Variants in KIAA1328 observed in about 807,000 individuals in gnomAD.
The protein encoded by KIAA1328 is KIAA1328.
In KIAA1328, 52 loss-of-function variants were observed where a neutral mutation model predicts 68.1. That is an observed-to-expected ratio of 0.76 (90% CI 0.61 to 0.96). The LOEUF (loss-of-function observed/expected upper bound fraction) is 0.96. Among genes scored for constraint, KIAA1328 ranks in the 40% least tolerant of loss-of-function variants. The pLI, the probability that KIAA1328 is intolerant of heterozygous loss-of-function variation, is 0.00. For synonymous variants in KIAA1328, 232 were observed against 239.4 expected (o/e 0.97, Z 0.28); for missense variants, 641 against 677.6 (o/e 0.95, Z 0.60).
At position 37,157,841 on chromosome 18, in the gene KIAA1328, A is replaced by G. The variant is rs926947249; in HGVS notation, c.1233-2359A>G. Among the ~76,000 whole-genome samples the G allele has an allele frequency of 4.7e-5, 7 of 149,088 alleles. No individual in the cohort carries two copies. In the Admixed American group the frequency reaches 4.7e-4, roughly 10 times the overall value. On this transcript the variant is annotated intron_variant, in intron 7 of 9. Coordinates refer to ENST00000280020, the MANE Select transcript of KIAA1328 (RefSeq NM_020776.3). ...AAAAAAAAAAAAAAAGAATTACCTCATTCTTTTTAATGGCTGAATAGTGTT... is the reference window on the plus strand; with the variant it reads ...AAAAAAAAAAAAAAAGAATTACCTCGTTCTTTTTAATGGCTGAATAGTGTT...
intron 6 of KIAA1328, among the ~76,000 whole-genome samples, chr18:37,017,342 T>G (rs955263900): frequency 5.3e-5 from 8 of 152,172 alleles, no homozygotes; most frequent in African/African-American, 1.9e-4. Flanking sequence ...TGATACGATT[T>G]CAATTTTTTT....
At chr18:37,067,901 A>T (rs1045597895) in intron 7 of KIAA1328, among the ~76,000 whole-genome samples, 2 of 152,164 alleles carry the variant, frequency 1.3e-5, no homozygotes, top group Admixed American at 6.5e-5. Context: ...TTTGGAGAGC[A>T]CAGTGTAAAA....
intron 7 of KIAA1328, among the ~76,000 whole-genome samples, chr18:37,074,278 C>T (rs984331533): frequency 6.6e-6 from 1 of 152,166 alleles, no homozygotes; most frequent in Non-Finnish European, 1.5e-5. Context: ...AAAAACAAAG[C>T]CCGGGAAACT....
chr18:37,116,488 T>C lies in KIAA1328; in HGVS notation c.1233-43712T>C, dbSNP rs564891992. Among the ~76,000 whole-genome samples the C allele has an allele frequency of 3.3e-5, 5 of 152,300 alleles. No individual in the cohort carries two copies. The East Asian group carries it at 5.8e-4, about 18-fold the overall frequency. On this transcript the variant is annotated intron_variant, in intron 7 of 9. Coordinates refer to ENST00000280020, the MANE Select transcript of KIAA1328 (RefSeq NM_020776.3). ...GAAAGCTGAAACTGGATCCCTTCCT[T>C]ACACCTTATACAAAAATTAATTCAA...
chr18:37,010,270 C>G (rs749822161), intron 6 of KIAA1328, among the ~76,000 whole-genome samples: 23 of 151,770 alleles, frequency 1.5e-4, no homozygotes, highest in Non-Finnish European at 2.2e-4. Context: ...TGGTGAAACC[C>G]CATCTCTACT....
chr18:36,987,397 A>T (rs1489738728), intron 6 of KIAA1328, among the ~76,000 whole-genome samples: 1 of 147,838 alleles, frequency 6.8e-6, no homozygotes, highest in African/African-American at 2.5e-5. Context: ...ATGACACGTT[A>T]GTGGGTGCAG....
At chr18:37,032,433 T>G (rs2054866642) in intron 6 of KIAA1328, among the ~76,000 whole-genome samples, 1 of 152,124 alleles carries the variant, frequency 6.6e-6, no homozygotes, top group African/African-American at 2.4e-5. Flanking sequence ...TAGATCCTAG[T>G]TTTCATCTAG....
chr18:37,152,724 AT>A (rs1484299487), intron 7 of KIAA1328, among the ~76,000 whole-genome samples: 1 of 152,202 alleles, frequency 6.6e-6, no homozygotes, highest in East Asian at 1.9e-4. Context: ...ATACAAAAGT[AT>A]TAAGTAAGTA....
intron 6 of KIAA1328, among the ~76,000 whole-genome samples, chr18:37,005,843 G>A (rs2053761484): frequency 1.3e-5 from 2 of 152,026 alleles, no homozygotes; most frequent in Non-Finnish European, 2.9e-5. Flanking sequence ...GTGAAATAAG[G>A]TAGGCAAAAA....
At chr18:37,147,321 T>A (rs1292984383) in intron 7 of KIAA1328, among the ~76,000 whole-genome samples, 1 of 152,196 alleles carries the variant, frequency 6.6e-6, no homozygotes, top group Non-Finnish European at 1.5e-5. Context: ...ATGTGGGCCA[T>A]CTTTTGGTTG....
chr18:36,983,515 A>G (rs143914975), intron 6 of KIAA1328, among the ~76,000 whole-genome samples: 84 of 152,236 alleles, frequency 5.5e-4, no homozygotes, highest in African/African-American at 1.9e-3. Context: ...AAGGATGTAG[A>G]ACACTTCAAA....
Position 37,224,166 on chromosome 18 carries a change from T to C in KIAA1328, c.*1939T>C. On this transcript the variant is annotated 3_prime_UTR_variant, in exon 10 of 10. Coordinates refer to ENST00000280020, the MANE Select transcript of KIAA1328 (RefSeq NM_020776.3). ...CATGACTAGCTTAAGTGTACTTGAC[T>C]CCCATAGACTACTCCCATGCCCACA... The C allele has an allele frequency of 1.0e-6, 1 of 985,428 alleles. No homozygotes were observed. Among genetic ancestry groups the C allele is most frequent in the Non-Finnish European group, 1.2e-6 (1 of 829,926 alleles). 61.0% of individuals were successfully genotyped at this position (985,428 alleles called of 1,614,324 possible).
intron 6 of KIAA1328, among the ~76,000 whole-genome samples, chr18:36,990,484 G>A (rs985677271): frequency 2.0e-5 from 3 of 151,916 alleles, no homozygotes; most frequent in African/African-American, 7.3e-5. Flanking sequence ...ACACCAGCCT[G>A]GTCAACATGG....
chr18:36,975,268 T>C (rs1278987196), intron 6 of KIAA1328, among the ~76,000 whole-genome samples: 4 of 149,760 alleles, frequency 2.7e-5, no homozygotes, highest in East Asian at 2.0e-4. Flanking sequence ...CTGCAAGCTC[T>C]GCCTCCCGGG....
At chr18:37,011,521 T>C (rs1003887745) in intron 6 of KIAA1328, among the ~76,000 whole-genome samples, 1 of 152,140 alleles carries the variant, frequency 6.6e-6, no homozygotes, top group African/African-American at 2.4e-5. Flanking sequence ...AATTAACTTG[T>C]AGGTATTTAC....
At chr18:36,945,805 G>A (rs1438566249) in intron 5 of KIAA1328, among the ~76,000 whole-genome samples, 3 of 152,200 alleles carry the variant, frequency 2.0e-5, no homozygotes, top group Non-Finnish European at 4.4e-5. Flanking sequence ...GAGAGAGGGT[G>A]TGGTTGTTTC....
intron 3 of KIAA1328, among the ~76,000 whole-genome samples, chr18:36,839,868 A>G (rs960507998): frequency 6.6e-6 from 1 of 152,104 alleles, no homozygotes; most frequent in African/African-American, 2.4e-5. Context: ...CCTATGCTGT[A>G]TTAGCTACAG....
At position 36,847,497 on chromosome 18, in the gene KIAA1328, A is replaced by C. The variant is rs192112417; in HGVS notation, c.332+3195A>C. On this transcript the variant is annotated intron_variant, in intron 4 of 9. Transcript: ENST00000280020. ...AATAATTAGTGTTTACCGGTGACTAATGTGATTATTGGTGTGATAATCACA... is the reference window on the plus strand; with the variant it reads ...AATAATTAGTGTTTACCGGTGACTACTGTGATTATTGGTGTGATAATCACA... Among the ~76,000 whole-genome samples, 673 of 151,566 alleles carry C rather than the reference A, an allele frequency of 4.4e-3. 10 individuals are homozygous for C. The highest frequency in any genetic ancestry group is 5.3e-3 in the Non-Finnish European group (359 of 67,520).
intron 6 of KIAA1328, among the ~76,000 whole-genome samples, chr18:36,980,332 C>T (rs992329155): frequency 6.6e-6 from 1 of 152,146 alleles, no homozygotes; most frequent in African/African-American, 2.4e-5. Context: ...CAGGTGAAGA[C>T]CTAGTTCCCT....
Sources: allele counts gnomAD v4.1 joint callset (sites outside exome capture counted in the v4.1 genomes callset), GRCh38; gene constraint gnomAD v4.1.1; transcripts MANE v1.5; gene names NCBI Gene and HGNC (gene_info 2026-07-23, HGNC 2026-07-21).